Variants in SLC25A30 observed in about 807,000 individuals in gnomAD.
The protein encoded by SLC25A30 is solute carrier family 25 member 30.
In SLC25A30, 29 loss-of-function variants were observed where a neutral mutation model predicts 42.7. The ratio of observed to expected loss-of-function variants is 0.68; its 90% confidence interval spans 0.51 to 0.93. The LOEUF (loss-of-function observed/expected upper bound fraction) is 0.93. Ranked by LOEUF, SLC25A30 falls within the 40% of genes least tolerant of loss-of-function variation. The pLI, the probability that SLC25A30 is intolerant of heterozygous loss-of-function variation, is 0.00. For synonymous variants in SLC25A30, 124 were observed against 131.0 expected, an observed-to-expected ratio of 0.95 and a Z score of 0.37; for missense variants, 300 against 359.7, an observed-to-expected ratio of 0.83 and a Z score of 1.34.
the SLC25A30 span, among the ~76,000 whole-genome samples, chr13:45,428,816 T>C: frequency 6.6e-6 from 1 of 151,308 alleles, no homozygotes; most frequent in Non-Finnish European, 1.5e-5. Flanking sequence ...CCACTGCACC[T>C]GGCCTCTTTT....
At chr13:45,424,389 A>T in the SLC25A30 span, among the ~76,000 whole-genome samples, 437 of 73,460 alleles carry the variant, frequency 5.9e-3, 10 homozygotes, top group African/African-American at 0.024. Flanking sequence ...ATAGATATAT[A>T]AATATATAAA....
In SLC25A30 at chr13:45,396,127, C is replaced by A. The variant is rs546545644; in HGVS notation, c.835-112G>T. 35 of 1,605,254 alleles carry A rather than the reference C, an allele frequency of 2.2e-5. No homozygotes were observed. In the South Asian group the frequency reaches 3.8e-4, roughly 17 times the overall value. Reference sequence around the variant, plus strand: ...TAACAAATAGGTACAGGCAGACCCACGCTATGGACACGATTAAATAAAAGG... The same window carrying A: ...TAACAAATAGGTACAGGCAGACCCAAGCTATGGACACGATTAAATAAAAGG... On this transcript the variant is annotated intron_variant, in intron 9 of 9. Transcript: ENST00000519676.
At chr13:45,411,994 T>C (rs1288869203) in intron 1 of SLC25A30, 4 of 70,920 alleles carry the variant, frequency 5.6e-5, no homozygotes, top group Non-Finnish European at 7.5e-5. Flanking sequence ...GCTATCTTAG[T>C]GAGTCCTTAC....
intron 1 of SLC25A30, among the ~76,000 whole-genome samples, chr13:45,416,305 G>T (rs1363586019): frequency 2.6e-5 from 4 of 151,928 alleles, no homozygotes; most frequent in Non-Finnish European, 2.9e-5. Context: ...CTATTCGGGA[G>T]GCTGAGGCAA....
chr13:45,418,511 C>G (rs1364090176), upstream of SLC25A30: 1 of 152,598 alleles, frequency 6.6e-6, no homozygotes, highest in Non-Finnish European at 1.5e-5. Flanking sequence ...CTGACAGCCC[C>G]AGATGGGGAC....
Position 45,400,033 on chromosome 13 carries a change from T to TATATACACAC in SLC25A30, c.615-956_615-955insGTGTGTATAT, listed in dbSNP as rs571184813. On this transcript the variant is annotated intron_variant, in intron 7 of 9. Transcript: ENST00000519676. ...GTATGATTATATATATATATATATA[T>TATATACACAC]ACACACACACACACACACACACACA... 2.8e-3 allele frequency among the ~76,000 whole-genome samples: 341 copies of TATATACACAC among 122,994 alleles called. 2 individuals carry two copies. Among genetic ancestry groups the TATATACACAC allele is most frequent in the Non-Finnish European group, 4.1e-3 (244 of 59,998 alleles). The allele number at this position is 122,994 out of a possible 152,430, so 80.7% of individuals were successfully genotyped here.
intron 1 of SLC25A30, among the ~76,000 whole-genome samples, chr13:45,413,894 G>C (rs1045270731): frequency 3.9e-5 from 6 of 152,128 alleles, no homozygotes; most frequent in Non-Finnish European, 7.4e-5. Context: ...TTTTTCCTCT[G>C]TCGGTTTTGA....
In SLC25A30 at chr13:45,394,263, T is replaced by G; in HGVS notation, c.*1711A>C. On this transcript the variant is annotated 3_prime_UTR_variant, in exon 10 of 10. Coordinates refer to ENST00000519676, the MANE Select transcript of SLC25A30 (RefSeq NM_001010875.4). Reference sequence around the variant, plus strand: ...ACTGCACCCCGCCCCCGCCCCCACCTTCTGTTATCCTCTCTTTTTGATGAC... The same window carrying G: ...ACTGCACCCCGCCCCCGCCCCCACCGTCTGTTATCCTCTCTTTTTGATGAC... 2.9e-5 allele frequency: 2 copies of G among 68,108 alleles called. No homozygotes were observed. The highest frequency in any genetic ancestry group is 3.6e-5 in the Non-Finnish European group (2 of 56,128). The allele number at this position is 68,108 out of a possible 1,614,324, so 4.2% of individuals were successfully genotyped here. A position where few individuals can be genotyped will look rare whatever the true frequency, so the allele number is the denominator to read the frequency against.
Position 45,402,309 on chromosome 13 carries a change from A to G in SLC25A30, c.455T>C (p.Ile152Thr), listed in dbSNP as rs142964840. ...QGGMIGNFMN[I>T]YQQEGTRGLW... ...TCCTCTTGTCCCCTCTTGCTGGTAA[A>G]TGTTCATGAAGTTGCCTATCATTCC... The change falls in exon 6 of 10, where the codon ATT (isoleucine) becomes ACT (threonine). Residue 152 changes from isoleucine (I) to threonine (T), a missense_variant. Transcript: ENST00000519676. 1 of 1,613,944 alleles carries G rather than the reference A, an allele frequency of 6.2e-7. No homozygotes were observed. Among genetic ancestry groups the G allele is most frequent in the African/African-American group, 1.3e-5 (1 of 74,910 alleles).
At chr13:45,419,183 A>G (rs1883803195), upstream of SLC25A30, among the ~76,000 whole-genome samples, 1 of 148,502 alleles carries the variant, frequency 6.7e-6, no homozygotes. Flanking sequence ...ACAAAAAATT[A>G]AAAGAACCGT....
At chr13:45,424,775 T>TAAA in the SLC25A30 span, among the ~76,000 whole-genome samples, 1 of 59,938 alleles carries the variant, frequency 1.7e-5, no homozygotes, top group Non-Finnish European at 3.1e-5. Flanking sequence ...TAAATATATA[T>TAAA]ATATAAATAT....
the SLC25A30 span, among the ~76,000 whole-genome samples, chr13:45,429,742 G>C: frequency 6.6e-6 from 1 of 152,050 alleles, no homozygotes; most frequent in Non-Finnish European, 1.5e-5. Context: ...GGCTGAGGCA[G>C]GAAGATCACT....
At chr13:45,417,213 G>A (rs1883609931) in intron 1 of SLC25A30, among the ~76,000 whole-genome samples, 2 of 152,144 alleles carry the variant, frequency 1.3e-5, no homozygotes, top group Admixed American at 1.3e-4. Flanking sequence ...GTTTCTCCAT[G>A]TTGGCCAGGC....
chr13:45,412,654 A>G (rs1248426060), intron 1 of SLC25A30, among the ~76,000 whole-genome samples: 2 of 152,218 alleles, frequency 1.3e-5, no homozygotes. Context: ...ATAAATGTCA[A>G]GCTGTAGGCC....
At chr13:45,405,845 A>G (rs746672302) in intron 4 of SLC25A30, 38 bp downstream of exon 4, 4 of 1,591,104 alleles carry the variant, frequency 2.5e-6, no homozygotes. Flanking sequence ...CAGACAACCA[A>G]CCTCCTGTCC....
At chr13:45,425,041 T>C in the SLC25A30 span, among the ~76,000 whole-genome samples, 5 of 86,576 alleles carry the variant, frequency 5.8e-5, no homozygotes, top group Non-Finnish European at 8.1e-5. Context: ...TATAAGTATA[T>C]ATAAATATAT....
chr13:45,413,222 AAGG>A (rs1883179294), intron 1 of SLC25A30, among the ~76,000 whole-genome samples: 1 of 152,232 alleles, frequency 6.6e-6, no homozygotes, highest in Admixed American at 6.5e-5. Context: ...TTTCAGTACT[AAGG>A]AGCAAGCCCT....
chr13:45,415,865 T>A (rs536492444), intron 1 of SLC25A30, among the ~76,000 whole-genome samples: 3 of 141,468 alleles, frequency 2.1e-5, no homozygotes, highest in East Asian at 2.4e-4. Flanking sequence ...GGTGGTGCTA[T>A]CTCAGCTCAC....
chr13:45,425,380 G>T, the SLC25A30 span, among the ~76,000 whole-genome samples: 1 of 106,162 alleles, frequency 9.4e-6, no homozygotes, highest in Admixed American at 1.4e-4. Context: ...AAATATATAA[G>T]TATATATGAA....
Sources: gnomAD v4.1 joint callset for allele counts (sites outside exome capture counted in the v4.1 genomes callset) on GRCh38, gnomAD v4.1.1 for gene constraint, MANE v1.5 for transcripts, NCBI Gene and HGNC (gene_info 2026-07-23, HGNC 2026-07-21) for gene names.